The following GMDS variants were observed in gnomAD, a reference collection of about 807,000 sequenced individuals.
The protein encoded by GMDS is GDP-mannose 4,6 dehydratase.
A neutral mutation model predicts 49.9 loss-of-function variants in GMDS; 20 were observed. That is an observed-to-expected ratio of 0.40 (90% CI 0.28 to 0.58). The LOEUF is 0.58. Ranked by LOEUF, GMDS falls within the 20% of genes least tolerant of loss-of-function variation. GMDS has a pLI of 0.42. For synonymous variants in GMDS, 177 were observed against 178.6 expected, an observed-to-expected ratio of 0.99 and a Z score of 0.07; for missense variants, 362 against 481.4, an observed-to-expected ratio of 0.75 and a Z score of 2.32.
chr6:1,869,948 T>C (rs1758644178), intron 7 of GMDS, among the ~76,000 whole-genome samples: 1 of 152,204 alleles, frequency 6.6e-6, no homozygotes, highest in African/African-American at 2.4e-5. Flanking sequence ...GGGGTCCTTC[T>C]GCCGCAGGGT....
chr6:2,210,316 T>C (rs1780006521), intron 1 of GMDS, among the ~76,000 whole-genome samples: 1 of 152,178 alleles, frequency 6.6e-6, no homozygotes, highest in Non-Finnish European at 1.5e-5. Flanking sequence ...AATGGCATAA[T>C]GCACATAAAA....
chr6:1,817,632 CAGT>C (rs1281602739), intron 7 of GMDS, among the ~76,000 whole-genome samples: 7 of 152,312 alleles, frequency 4.6e-5, no homozygotes, highest in African/African-American at 1.4e-4. Flanking sequence ...AACAAGTTCT[CAGT>C]AGACCATTTA....
chr6:1,815,765 A>G (rs1022028812), intron 7 of GMDS, among the ~76,000 whole-genome samples: 3 of 152,218 alleles, frequency 2.0e-5, no homozygotes, highest in Non-Finnish European at 2.9e-5. Flanking sequence ...CACAAGAAGA[A>G]GGCCAAGACA....
intron 9 of GMDS, among the ~76,000 whole-genome samples, chr6:1,663,274 C>T (rs1269938376): frequency 1.3e-5 from 2 of 152,156 alleles, no homozygotes; most frequent in East Asian, 1.9e-4. Flanking sequence ...ACAGAAGCAC[C>T]GTGCAGGTCG....
intron 7 of GMDS, among the ~76,000 whole-genome samples, chr6:1,844,199 G>GT (rs1757280916): frequency 2.0e-5 from 3 of 152,158 alleles, no homozygotes; most frequent in African/African-American, 7.2e-5. Context: ...CAGAGCTGGG[G>GT]TTTATATGCA....
intron 5 of GMDS, among the ~76,000 whole-genome samples, chr6:1,960,335 A>G (rs1323633): frequency 1 from 151,555 of 152,232 alleles, 75,442 homozygotes; most frequent in Middle Eastern, 1. Flanking sequence ...GAAGTCTTTC[A>G]TTAATATTCT....
intron 4 of GMDS, among the ~76,000 whole-genome samples, chr6:2,016,099 A>AAC (rs1767883657): frequency 1.3e-5 from 2 of 150,592 alleles, no homozygotes; most frequent in Non-Finnish European, 3.0e-5. Context: ...AAAAAAAAAA[A>AAC]AACAGAAAAA....
At chr6:1,774,276 C>T (rs1018945170) in intron 7 of GMDS, among the ~76,000 whole-genome samples, 100 of 152,134 alleles carry the variant, frequency 6.6e-4, no homozygotes, top group African/African-American at 2.2e-3. Flanking sequence ...TCACTTGTGC[C>T]TCATCACTCA....
chr6:2,181,533 A>T (rs1488833051), intron 1 of GMDS, among the ~76,000 whole-genome samples: 1 of 152,142 alleles, frequency 6.6e-6, no homozygotes, highest in African/African-American at 2.4e-5. Flanking sequence ...ATCCTGTGTC[A>T]TACATTTTTC....
intron 4 of GMDS, among the ~76,000 whole-genome samples, chr6:2,083,393 T>C (rs1233951951): frequency 6.6e-6 from 1 of 152,116 alleles, no homozygotes; most frequent in Non-Finnish European, 1.5e-5. Flanking sequence ...GTCAAGTATC[T>C]AAGGCAGCCC....
intron 4 of GMDS, among the ~76,000 whole-genome samples, chr6:2,048,589 A>G (rs1770170916): frequency 6.6e-6 from 1 of 152,194 alleles, no homozygotes; most frequent in Non-Finnish European, 1.5e-5. Context: ...GCATCTGCTG[A>G]ACTGCTTATA....
intron 1 of GMDS, among the ~76,000 whole-genome samples, chr6:2,224,729 T>A (rs1011157205): frequency 6.6e-6 from 1 of 152,248 alleles, no homozygotes; most frequent in Non-Finnish European, 1.5e-5. Context: ...AAGAGTTAGT[T>A]GTTTACTCTC....
intron 7 of GMDS, among the ~76,000 whole-genome samples, chr6:1,809,640 C>T (rs780004809): frequency 6.6e-6 from 1 of 151,958 alleles, no homozygotes; most frequent in East Asian, 1.9e-4. Flanking sequence ...ATTTGTAGGC[C>T]GAGTAACAGG....
intron 4 of GMDS, among the ~76,000 whole-genome samples, chr6:2,014,848 C>A (rs924656035): frequency 5.9e-5 from 9 of 151,880 alleles, no homozygotes; most frequent in Admixed American, 5.2e-4. Context: ...AGTATAAAGT[C>A]ACAGGTAGAT....
At chr6:2,113,544 G>A (rs1381595567) in intron 4 of GMDS, among the ~76,000 whole-genome samples, 1 of 151,594 alleles carries the variant, frequency 6.6e-6, no homozygotes, top group Non-Finnish European at 1.5e-5. Context: ...ACTTCTCTTT[G>A]CCTCATATTA....
In GMDS at chr6:1,797,801, G is replaced by A. The variant is rs534341573; in HGVS notation, c.772-55215C>T. ...TTCACATAAATACAAGGGAAGGTGT[G>A]CATTTGTGGACCCCAATGGGCACAG... On this transcript the variant is annotated intron_variant, in intron 7 of 10. Transcript: ENST00000380815. Among the ~76,000 whole-genome samples the A allele has an allele frequency of 5.3e-5, 8 of 152,294 alleles. No individual in the cohort carries two copies. The East Asian group carries it at 1.5e-3, about 29-fold the overall frequency.
At chr6:1,641,394 G>A (rs1467588686) in intron 9 of GMDS, among the ~76,000 whole-genome samples, 1 of 152,246 alleles carries the variant, frequency 6.6e-6, no homozygotes, top group Non-Finnish European at 1.5e-5. Flanking sequence ...AGCACAGCCT[G>A]CGTCTCAGAA....
intron 4 of GMDS, among the ~76,000 whole-genome samples, chr6:2,045,221 T>TA (rs1171206865): frequency 2.0e-5 from 3 of 152,112 alleles, no homozygotes; most frequent in Admixed American, 2.0e-4. Flanking sequence ...ATCTCCTCTC[T>TA]AAAAGATATT....
intron 7 of GMDS, among the ~76,000 whole-genome samples, chr6:1,770,043 T>C (rs528949543): frequency 2.6e-5 from 4 of 152,358 alleles, no homozygotes; most frequent in Non-Finnish European, 2.9e-5. Context: ...AACTTTCTAA[T>C]GATTGATATC....
Sources: allele counts gnomAD v4.1 joint callset (sites outside exome capture counted in the v4.1 genomes callset), GRCh38; gene constraint gnomAD v4.1.1; transcripts MANE v1.5; gene names NCBI Gene and HGNC (gene_info 2026-07-23, HGNC 2026-07-21).